The following TJP1 variants were observed in gnomAD, a reference collection of about 807,000 sequenced individuals.
TJP1 encodes the protein tight junction protein ZO-1.
A neutral mutation model predicts 194.2 loss-of-function variants in TJP1; 43 were observed. That is an observed-to-expected ratio of 0.22 (90% confidence interval 0.17 to 0.29). The LOEUF is 0.29. TJP1 is among the 10% of genes least tolerant of loss of function. The pLI is 1.00. For synonymous variants in TJP1, 801 were observed against 779.0 expected (o/e 1.03, Z -0.47); for missense variants, 1,971 against 2,185.7 (o/e 0.90, Z 1.96).
At chr15:29,832,247 T>A in intron 2 of TJP1, among the ~76,000 whole-genome samples, 1 of 152,044 alleles carries the variant, frequency 6.6e-6, no homozygotes, top group South Asian at 2.1e-4. Context: ...CAGGAGAAGT[T>A]CAGACTAGCT....
intron 2 of TJP1, among the ~76,000 whole-genome samples, chr15:29,932,567 G>A (rs555986640): frequency 6.6e-6 from 1 of 152,004 alleles, no homozygotes; most frequent in Admixed American, 6.5e-5. Context: ...GGAAAAAAAA[G>A]GGTTTTTTAA....
intron 2 of TJP1, among the ~76,000 whole-genome samples, chr15:29,863,295 C>CA (rs2052166359): frequency 8.1e-6 from 1 of 123,130 alleles, no homozygotes. Context: ...GCCTTTGTCT[C>CA]AAAAAATAAA....
upstream of TJP1, among the ~76,000 whole-genome samples, chr15:29,826,317 A>G (rs2050674380): frequency 6.6e-6 from 1 of 152,140 alleles, no homozygotes; most frequent in Non-Finnish European, 1.5e-5. Context: ...ACAACCAGGC[A>G]GGTCGGAAGC....
rs150786645 is a variant in TJP1, at chr15:29,786,170, A to T, written c.85-12813T>A. 1.0e-3 allele frequency among the ~76,000 whole-genome samples: 156 copies of T among 152,234 alleles called. 6 individuals carry two copies. In the East Asian group the frequency reaches 0.025, roughly 25 times the overall value. On this transcript the variant is annotated intron_variant, in intron 2 of 27. Coordinates refer to ENST00000614355, the MANE Select transcript of TJP1 (RefSeq NM_001330239.4). ...AGATTGATTCGGTTTTTTAACAGTT[A>T]TGTCCCTTGGCTAGTCAAATTGTGT...
chr15:29,865,510 G>C (rs2052270637), intron 2 of TJP1, among the ~76,000 whole-genome samples: 2 of 152,192 alleles, frequency 1.3e-5, no homozygotes, highest in Admixed American at 6.5e-5. Context: ...GGGGAGTTTA[G>C]AATATGATCA....
chr15:29,954,098 C>T (rs977644692), intron 2 of TJP1, among the ~76,000 whole-genome samples: 1 of 152,170 alleles, frequency 6.6e-6, no homozygotes, highest in African/African-American at 2.4e-5. Context: ...TAATTCTGCA[C>T]CTGGGTAGCA....
chr15:29,962,403 T>C (rs190325648), intron 1 of TJP1, among the ~76,000 whole-genome samples: 7 of 152,290 alleles, frequency 4.6e-5, no homozygotes, highest in South Asian at 2.1e-4. Context: ...AACTCAATAA[T>C]AACACAGAAT....
intron 2 of TJP1, among the ~76,000 whole-genome samples, chr15:29,776,792 T>C (rs2047041783): frequency 6.6e-6 from 1 of 151,942 alleles, no homozygotes; most frequent in South Asian, 2.1e-4. Context: ...CAAAAGAGTC[T>C]TTAAGTACTG....
At chr15:29,842,596 C>T (rs1235309007) in intron 2 of TJP1, among the ~76,000 whole-genome samples, 1 of 152,140 alleles carries the variant, frequency 6.6e-6, no homozygotes, top group Non-Finnish European at 1.5e-5. Context: ...CATGCAAACT[C>T]CACACAGACA....
rs149580518 is a variant in TJP1 at position 29,855,783 on chromosome 15, G to A, written c.307-55081C>T. 3.5e-3 allele frequency among the ~76,000 whole-genome samples: 525 copies of A among 152,042 alleles called. 2 individuals carry two copies. Among genetic ancestry groups the A allele is most frequent in the African/African-American group, 0.012 (494 of 41,458 alleles). Reference sequence around the variant, plus strand: ...AGGCACGAGAATCGCTTGAACTCAGGAGATGGAGGCTTCAGTGAGCCGAGA... The same window carrying A: ...AGGCACGAGAATCGCTTGAACTCAGAAGATGGAGGCTTCAGTGAGCCGAGA... On this transcript the variant is annotated intron_variant, in intron 2 of 28. Transcript: ENST00000356107.
intron 4 of TJP1, among the ~76,000 whole-genome samples, chr15:29,770,315 C>T (rs939068618): frequency 3.3e-5 from 5 of 151,662 alleles, no homozygotes; most frequent in East Asian, 1.9e-4. Flanking sequence ...TGGTAGCGGT[C>T]GCCTGTAATC....
At chr15:29,800,767 A>C in intron 1 of TJP1, 65 bp from the exon 2 acceptor site, 1 of 1,514,876 alleles carries the variant, frequency 6.6e-7, no homozygotes, top group Non-Finnish European at 9.1e-7. Flanking sequence ...AAGGTGAGCA[A>C]GAACATCCAA....
chr15:29,796,700 G>A (rs2048435834), intron 2 of TJP1, among the ~76,000 whole-genome samples: 1 of 152,132 alleles, frequency 6.6e-6, no homozygotes, highest in Non-Finnish European at 1.5e-5. Context: ...ATACAGAAAG[G>A]CAAAGGAGCT....
At chr15:29,818,374 T>A (rs941151900) in intron 1 of TJP1, among the ~76,000 whole-genome samples, 3 of 152,250 alleles carry the variant, frequency 2.0e-5, no homozygotes, top group African/African-American at 7.2e-5. Context: ...TTTAAACAAT[T>A]CTTTGGTGAC....
chr15:29,926,160 G>GT (rs2054517076), intron 2 of TJP1, among the ~76,000 whole-genome samples: 1 of 152,188 alleles, frequency 6.6e-6, no homozygotes, highest in South Asian at 2.1e-4. Flanking sequence ...AAATAGAAGT[G>GT]TTTTTGTGAA....
intron 2 of TJP1, among the ~76,000 whole-genome samples, chr15:29,874,224 T>G (rs1387865825): frequency 2.6e-5 from 4 of 152,188 alleles, no homozygotes; most frequent in African/African-American, 9.7e-5. Flanking sequence ...GCGTCATGGC[T>G]TCCTCTATCC....
At chr15:29,745,826 A>T (rs2044734797) in intron 8 of TJP1, among the ~76,000 whole-genome samples, 1 of 152,228 alleles carries the variant, frequency 6.6e-6, no homozygotes, top group African/African-American at 2.4e-5. Flanking sequence ...TGTTCAACTG[A>T]AATAATTTAG....
In TJP1 at chr15:29,822,343, GC is replaced by G. The variant is rs1415240341; in HGVS notation, c.-316del. ...GCCTCGCCCGGTCGCCCGCCCGTCAGCAGCACCCGTGGCCTCCCGGCGTCTC... is the reference window on the plus strand; with the variant it reads ...GCCTCGCCCGGTCGCCCGCCCGTCAGAGCACCCGTGGCCTCCCGGCGTCTC... On this transcript the variant is annotated 5_prime_UTR_variant, in exon 1 of 28. Transcript: ENST00000614355. The G allele has an allele frequency of 1.2e-5, 13 of 1,065,006 alleles. No individual in the cohort carries two copies. The highest frequency in any genetic ancestry group is 1.5e-5 in the Non-Finnish European group (13 of 881,122). 66.0% of individuals were successfully genotyped at this position (1,065,006 alleles called of 1,614,324 possible). A position where few individuals can be genotyped will look rare whatever the true frequency, so the allele number is the denominator to read the frequency against.
intron 2 of TJP1, among the ~76,000 whole-genome samples, chr15:29,923,495 T>C (rs1481093058): frequency 6.6e-6 from 1 of 152,172 alleles, no homozygotes; most frequent in East Asian, 1.9e-4. Flanking sequence ...GAATGAAGTA[T>C]TGATACATGC....
Sources: gnomAD v4.1 joint callset for allele counts (sites outside exome capture counted in the v4.1 genomes callset) on GRCh38, gnomAD v4.1.1 for gene constraint, MANE v1.5 for transcripts, NCBI Gene and HGNC (gene_info 2026-07-23, HGNC 2026-07-21) for gene names.